Variants in ARHGEF10L observed in about 807,000 individuals in gnomAD.
ARHGEF10L encodes rho guanine nucleotide exchange factor 10-like protein.
Under a neutral mutation model 141.2 loss-of-function variants are expected in ARHGEF10L, and 69 were observed. That is an observed-to-expected ratio of 0.49 (90% confidence interval 0.40 to 0.60). The LOEUF (loss-of-function observed/expected upper bound fraction) is 0.60, where lower values mean the gene tolerates loss of function less well. ARHGEF10L is among the 20% of genes least tolerant of loss of function. The pLI is 0.00. For missense variants in ARHGEF10L, 1,482 were observed against 1,734.3 expected, an observed-to-expected ratio of 0.85 and a Z score of 2.58; for synonymous variants, 711 against 718.5, an observed-to-expected ratio of 0.99 and a Z score of 0.17.
At chr1:17,676,511 G>T (rs897757389) in intron 26 of ARHGEF10L, among the ~76,000 whole-genome samples, 1 of 151,966 alleles carries the variant, frequency 6.6e-6, no homozygotes, top group African/African-American at 2.4e-5. Flanking sequence ...TCATGCAGGC[G>T]AGGCCTGCAG....
rs115452675 is a variant in ARHGEF10L at position 17,609,936 on chromosome 1, C to T, written c.609+1959C>T. Among the ~76,000 whole-genome samples the T allele has an allele frequency of 8.7e-3, 1,322 of 152,288 alleles. 27 individuals are homozygous for T. Among genetic ancestry groups the T allele is most frequent in the African/African-American group, 0.029 (1,218 of 41,558 alleles). On this transcript the variant is annotated intron_variant, in intron 7 of 28. Coordinates refer to ENST00000361221, the MANE Select transcript of ARHGEF10L (RefSeq NM_018125.4). ...GCCTCTCCATATGGCAGGACCCGTGCGTCCCAGCCCTGCTCTGGGCAGTGT... is the reference window on the plus strand; with the variant it reads ...GCCTCTCCATATGGCAGGACCCGTGTGTCCCAGCCCTGCTCTGGGCAGTGT...
In ARHGEF10L at chr1:17,638,664, C is replaced by T. The variant is rs1478344766; in HGVS notation, c.2146C>T (p.Leu716Phe). 6.2e-7 allele frequency: 1 copy of T among 1,614,116 alleles called. No homozygotes were observed. Among genetic ancestry groups the T allele is most frequent in the Admixed American group, 1.7e-5 (1 of 60,020 alleles). Residue 716 changes from leucine to phenylalanine, a missense_variant, in exon 20 of 29, where the codon CTC becomes TTC. By Grantham distance (22) the Leu-to-Phe change is conservative. This residue lies in a region of ARHGEF10L where 858 missense variants were observed against 966.3 expected (regional missense o/e 0.89). Coordinates refer to ENST00000361221, the MANE Select transcript of ARHGEF10L (RefSeq NM_018125.4). ...CTCGGCCAACAAGTGCCGTCTCAGG[C>T]TCCTGCTTCCTGGGAAACCCGACAA... Reference protein sequence around the residue: ...IHSANKCRLRLLLPGKPDKSG... With the variant: ...IHSANKCRLRFLLPGKPDKSG...
chr1:17,516,761 G>A, the ARHGEF10L span, among the ~76,000 whole-genome samples: 3,252 of 152,218 alleles, frequency 0.021, 55 homozygotes, highest in Middle Eastern at 0.058. Flanking sequence ...ACCTGGAATC[G>A]CCCCTCCCAT....
chr1:17,676,449 G>A (rs1486386612), intron 26 of ARHGEF10L, among the ~76,000 whole-genome samples: 1 of 150,146 alleles, frequency 6.7e-6, no homozygotes, highest in Non-Finnish European at 1.5e-5. Context: ...TGTGGGTGCA[G>A]GTGTGGGGTG....
At chr1:17,532,282 G>A in the ARHGEF10L span, among the ~76,000 whole-genome samples, 1 of 152,132 alleles carries the variant, frequency 6.6e-6, no homozygotes, top group East Asian at 1.9e-4. Context: ...CTGGCCTGGT[G>A]CTCTGATCCC....
At chr1:17,643,017 C>T (rs938474978) in intron 21 of ARHGEF10L, among the ~76,000 whole-genome samples, 1 of 152,216 alleles carries the variant, frequency 6.6e-6, no homozygotes, top group Admixed American at 6.5e-5. Context: ...CTTATCTCCA[C>T]ACAGCTTCAC....
At chr1:17,555,420 T>C (rs2077269150) in intron 1 of ARHGEF10L, among the ~76,000 whole-genome samples, 1 of 151,954 alleles carries the variant, frequency 6.6e-6, no homozygotes, top group African/African-American at 2.4e-5. Flanking sequence ...TGGAGTGTAA[T>C]GGCATGATCT....
At chr1:17,592,959 A>G (rs1228746774) in intron 4 of ARHGEF10L, among the ~76,000 whole-genome samples, 1 of 152,110 alleles carries the variant, frequency 6.6e-6, no homozygotes, top group Non-Finnish European at 1.5e-5. Context: ...CATAAATTGG[A>G]CAAGCTGGTT....
chr1:17,605,400 A>G (rs79749770), intron 6 of ARHGEF10L, among the ~76,000 whole-genome samples: 5,243 of 152,222 alleles, frequency 0.034, 320 homozygotes, highest in African/African-American at 0.12. Flanking sequence ...GTGGTAGCGT[A>G]GATTCCATGA....
intron 2 of ARHGEF10L, among the ~76,000 whole-genome samples, chr1:17,582,968 T>C (rs969865283): frequency 1.1e-4 from 16 of 151,436 alleles, no homozygotes; most frequent in Admixed American, 2.0e-4. Context: ...GGCTCATGCC[T>C]ATAATCCTAG....
In ARHGEF10L at chr1:17,634,975, A is replaced by T; in HGVS notation, c.1886A>T (p.His629Leu). Reference protein sequence around the residue: ...TYDKDNVLIQHSGAKKASASG... With the variant: ...TYDKDNVLIQLSGAKKASASG... ...GACAAGGACAATGTGCTCATCCAGC[A>T]CTCAGGCGCCAAGAAGGCCTCTGCC... The change falls in exon 18 of 29, where the codon CAC becomes CTC. Residue 629 changes from histidine (H) to leucine (L), a missense_variant. Transcript: ENST00000361221. 1 of 1,614,006 alleles carries T rather than the reference A, an allele frequency of 6.2e-7. No individual in the cohort carries two copies. Among genetic ancestry groups the T allele is most frequent in the Non-Finnish European group, 8.5e-7 (1 of 1,179,952 alleles).
intron 26 of ARHGEF10L, among the ~76,000 whole-genome samples, chr1:17,681,139 G>A (rs2064100994): frequency 6.6e-6 from 1 of 152,148 alleles, no homozygotes; most frequent in African/African-American, 2.4e-5. Flanking sequence ...ACAATACACA[G>A]ATATTCTTCA....
intron 1 of ARHGEF10L, among the ~76,000 whole-genome samples, chr1:17,544,337 C>T (rs371110750): frequency 6.3e-4 from 96 of 151,932 alleles, no homozygotes; most frequent in African/African-American, 1.8e-3. Flanking sequence ...GTTGCTCAGG[C>T]TGGAGTGCAA....
At chr1:17,586,424 C>G (rs577423009) in intron 2 of ARHGEF10L, among the ~76,000 whole-genome samples, 1 of 152,166 alleles carries the variant, frequency 6.6e-6, no homozygotes, top group Non-Finnish European at 1.5e-5. Flanking sequence ...AAAACAGAAC[C>G]AAACTGCCCG....
chr1:17,525,902 C>T, the ARHGEF10L span, among the ~76,000 whole-genome samples: 6 of 148,178 alleles, frequency 4.0e-5, no homozygotes, highest in Non-Finnish European at 5.9e-5. Flanking sequence ...CTTGGGAAGC[C>T]GAGATGGAAG....
Position 17,638,014 on chromosome 1 carries a change from T to A in ARHGEF10L, c.2043+11T>A, listed in dbSNP as rs1388001511. The A allele has an allele frequency of 1.3e-6, 2 of 1,566,302 alleles. No individual in the cohort carries two copies. The highest frequency in any genetic ancestry group is 2.7e-5 in the African/African-American group (2 of 73,882). On this transcript the variant is annotated intron_variant, in intron 19 of 28. Transcript: ENST00000361221. ...CACGGCACCTACCAGGTACGTGGCCTGGCCTGACCTTTTTGGCCTGAGCTC... is the reference window on the plus strand; with the variant it reads ...CACGGCACCTACCAGGTACGTGGCCAGGCCTGACCTTTTTGGCCTGAGCTC...
At chr1:17,599,784 C>T (rs1260773903) in intron 4 of ARHGEF10L, among the ~76,000 whole-genome samples, 1 of 152,238 alleles carries the variant, frequency 6.6e-6, no homozygotes, top group African/African-American at 2.4e-5. Context: ...GAAATGTGAG[C>T]TGACACTTGC....
At chr1:17,554,781 G>A (rs899877854) in intron 1 of ARHGEF10L, among the ~76,000 whole-genome samples, 3 of 151,872 alleles carry the variant, frequency 2.0e-5, no homozygotes, top group Non-Finnish European at 4.4e-5. Context: ...TGTAGAGATG[G>A]GGTTTTGCCA....
intron 26 of ARHGEF10L, among the ~76,000 whole-genome samples, chr1:17,685,572 C>T (rs747733479): frequency 6.6e-6 from 1 of 152,246 alleles, no homozygotes; most frequent in Admixed American, 6.5e-5. Context: ...CAGTGCTTCT[C>T]ACTATCTGAT....
Sources: gnomAD v4.1 joint callset for allele counts (sites outside exome capture counted in the v4.1 genomes callset) on GRCh38, gnomAD v4.1.1 for gene constraint, gnomAD v4.1.1 regional missense constraint, MANE v1.5 for transcripts, NCBI Gene and HGNC (gene_info 2026-07-23, HGNC 2026-07-21) for gene names.